ICE2: variants seen among roughly 807,000 people sequenced by gnomAD.
ICE2 encodes the protein interactor of little elongation complex ELL subunit 2.
ICE2 carries 87 observed loss-of-function variants against 105.4 expected under a neutral mutation model. The ratio of observed to expected loss-of-function variants is 0.83; its 90% confidence interval spans 0.69 to 0.99. The LOEUF is 0.99. Among genes scored for constraint, ICE2 ranks in the 50% least tolerant of loss-of-function variants. ICE2 has a pLI of 0.00. For synonymous variants in ICE2, 399 were observed against 392.0 expected, an observed-to-expected ratio of 1.02 and a Z score of -0.21; for missense variants, 1,323 against 1,146.7, an observed-to-expected ratio of 1.15 and a Z score of -2.22.
chr15:60,459,644 T>G (rs781116104), intron 5 of ICE2, among the ~76,000 whole-genome samples: 1 of 152,040 alleles, frequency 6.6e-6, no homozygotes, highest in Non-Finnish European at 1.5e-5. Flanking sequence ...AACAATAATG[T>G]GGGTAAGTTT....
chr15:60,467,855 G>A (rs1279764756), intron 4 of ICE2, among the ~76,000 whole-genome samples: 1 of 152,116 alleles, frequency 6.6e-6, no homozygotes, highest in Non-Finnish European at 1.5e-5. Flanking sequence ...AGATGAACTG[G>A]AGTGAGTCAT....
intron 12 of ICE2, chr15:60,440,388 T>C (rs1393111188): frequency 6.6e-6 from 1 of 152,204 alleles, no homozygotes; most frequent in Non-Finnish European, 1.5e-5. Flanking sequence ...GCAATGAGAC[T>C]ATGTGGGAAA....
Position 60,475,949 on chromosome 15 carries a change from T to C in ICE2, c.146+114A>G, listed in dbSNP as rs146948824. The C allele has an allele frequency of 9.8e-4, 665 of 675,236 alleles. 2 individuals are homozygous for C. Among genetic ancestry groups the C allele is most frequent in the African/African-American group, 9.6e-3 (516 of 53,900 alleles). 41.8% of individuals were successfully genotyped at this position (675,236 alleles called of 1,614,324 possible). On this transcript the variant is annotated intron_variant, in intron 3 of 15. Transcript: ENST00000261520. ...TAAATACCAGTGTTAAAAGTTGTTT[T>C]ACTTTAAACATTTCTATAATTTGAA...
At chr15:60,428,256 C>A (rs1043519832) in intron 15 of ICE2, among the ~76,000 whole-genome samples, 173 bp downstream of exon 15, 1 of 152,122 alleles carries the variant, frequency 6.6e-6, no homozygotes, top group Admixed American at 6.5e-5. Context: ...TCCACTACCA[C>A]GAAGACTGGA....
At chr15:60,427,544 T>C (rs1357783075) in intron 15 of ICE2, among the ~76,000 whole-genome samples, 1 of 152,132 alleles carries the variant, frequency 6.6e-6, no homozygotes, top group Non-Finnish European at 1.5e-5. Context: ...CCTCAGCCTC[T>C]CCAGTAGCTG....
chr15:60,466,753 T>C lies in ICE2; in HGVS notation c.409-40A>G. The C allele has an allele frequency of 2.0e-6, 3 of 1,512,488 alleles. No individual in the cohort carries two copies. The South Asian group carries it at 3.6e-5, about 18-fold the overall frequency. The allele number at this position is 1,512,488 out of a possible 1,614,324, so 93.7% of individuals were successfully genotyped here. On this transcript the variant is annotated intron_variant, in intron 4 of 15. Coordinates refer to ENST00000261520, the MANE Select transcript of ICE2 (RefSeq NM_024611.6). ...AGTAGACATGTCTTGGGATAAAAAG[T>C]TTCATTAAAAAGAATCACATTCTTA...
intron 9 of ICE2, 123 bp downstream of exon 9, chr15:60,453,480 T>C (rs1218775992): frequency 6.9e-7 from 1 of 1,444,854 alleles, no homozygotes; most frequent in African/African-American, 1.4e-5. Flanking sequence ...CGAAATTCAA[T>C]TTCAGTTTGA....
intron 10 of ICE2, 108 bp downstream of exon 10, chr15:60,448,740 A>G: frequency 1.1e-6 from 1 of 906,946 alleles, no homozygotes; most frequent in Non-Finnish European, 1.7e-6. Context: ...ATCAGTGACT[A>G]TATGACAATT....
chr15:60,462,255 G>T (rs1446520120), intron 5 of ICE2, among the ~76,000 whole-genome samples: 1 of 152,140 alleles, frequency 6.6e-6, no homozygotes, highest in Non-Finnish European at 1.5e-5. Context: ...ATACATCTAG[G>T]CAGTGAGCAT....
chr15:60,448,309 T>C (rs953159863), intron 10 of ICE2, among the ~76,000 whole-genome samples, 164 bp from the exon 11 acceptor site: 1 of 152,236 alleles, frequency 6.6e-6, no homozygotes, highest in Non-Finnish European at 1.5e-5. Context: ...TTACTTTTAC[T>C]GGAACTGCAG....
At chr15:60,450,069 T>C (rs1174289782) in intron 9 of ICE2, among the ~76,000 whole-genome samples, 2 of 152,172 alleles carry the variant, frequency 1.3e-5, no homozygotes, top group African/African-American at 2.4e-5. Context: ...TGCCAAGTTA[T>C]AATAGCACAA....
intron 9 of ICE2, among the ~76,000 whole-genome samples, chr15:60,450,070 A>G (rs1470123723): frequency 6.6e-6 from 1 of 152,234 alleles, no homozygotes; most frequent in Non-Finnish European, 1.5e-5. Context: ...GCCAAGTTAT[A>G]ATAGCACAAG....
intron 3 of ICE2, among the ~76,000 whole-genome samples, chr15:60,470,061 G>C (rs2064546557): frequency 6.6e-6 from 1 of 152,160 alleles, no homozygotes; most frequent in Admixed American, 6.6e-5. Context: ...TAAAGAGAAA[G>C]ATGGACATCT....
chr15:60,478,902 G>A (rs2064850827), intron 1 of ICE2, 101 bp downstream of exon 1: 1 of 453,858 alleles, frequency 2.2e-6, no homozygotes, highest in Non-Finnish European at 4.4e-6. Context: ...GTCCTGGCCC[G>A]GCCGCCATGT....
chr15:60,434,259 A>C (rs145757269), intron 13 of ICE2, among the ~76,000 whole-genome samples: 359 of 152,310 alleles, frequency 2.4e-3, no homozygotes, highest in African/African-American at 8.3e-3. Context: ...AATTCATTTC[A>C]GTCACGTGTA....
intron 5 of ICE2, among the ~76,000 whole-genome samples, chr15:60,460,066 G>A (rs1177666231): frequency 6.6e-6 from 1 of 152,104 alleles, no homozygotes; most frequent in Non-Finnish European, 1.5e-5. Flanking sequence ...TGTAGAAATG[G>A]ACAAGCTGAT....
At position 60,423,502 on chromosome 15, in the gene ICE2, C is replaced by T. The variant is rs2091302445; in HGVS notation, c.*132G>A. 1.4e-6 allele frequency: 1 copy of T among 726,808 alleles called. No homozygotes were observed. Among genetic ancestry groups the T allele is most frequent in the Admixed American group, 3.7e-5 (1 of 27,274 alleles). 45.0% of individuals were successfully genotyped at this position (726,808 alleles called of 1,614,324 possible). ...GAAATATTCCTTCACATAGCCAACA[C>T]ATTTTTTCAAGGCACTCTAGCTACT... On this transcript the variant is annotated 3_prime_UTR_variant, in exon 16 of 16. Coordinates refer to ENST00000261520, the MANE Select transcript of ICE2 (RefSeq NM_024611.6).
chr15:60,426,388 T>C (rs1243896954), intron 15 of ICE2, among the ~76,000 whole-genome samples: 2 of 152,172 alleles, frequency 1.3e-5, no homozygotes, highest in African/African-American at 4.8e-5. Context: ...CTAACAGCAA[T>C]AGGCTATACC....
At chr15:60,461,930 C>G (rs2064289341) in intron 5 of ICE2, among the ~76,000 whole-genome samples, 1 of 152,122 alleles carries the variant, frequency 6.6e-6, no homozygotes, top group Admixed American at 6.5e-5. Context: ...AAGAGCCTCT[C>G]AGTGAGTTAA....
Sources: gnomAD v4.1 joint callset for allele counts (sites outside exome capture counted in the v4.1 genomes callset) on GRCh38, gnomAD v4.1.1 for gene constraint, MANE v1.5 for transcripts, NCBI Gene and HGNC (gene_info 2026-07-23, HGNC 2026-07-21) for gene names.